MEST: variants seen among roughly 807,000 people sequenced by gnomAD.
The protein encoded by MEST is mesoderm-specific transcript homolog protein.
A neutral mutation model predicts 50.9 loss-of-function variants in MEST; 18 were observed. That is an observed-to-expected ratio of 0.35 (90% confidence interval 0.24 to 0.52). MEST has a LOEUF of 0.52. Ranked by LOEUF, MEST falls within the 20% of genes least tolerant of loss-of-function variation. The pLI is 0.94. For synonymous variants in MEST, 130 were observed against 154.1 expected (o/e 0.84, Z 1.16); for missense variants, 282 against 425.3 (o/e 0.66, Z 2.96).
chr7:130,496,377 A>G (rs1799061652), intron 2 of MEST: 1 of 333,018 alleles, frequency 3.0e-6, no homozygotes, highest in Non-Finnish European at 5.7e-6. Context: ...CAGATTCTCA[A>G]GAACAAAACT....
Position 130,495,449 on chromosome 7 carries a change from C to G in MEST, c.108C>G (p.Leu36=), listed in dbSNP as rs2116251809. The G allele has an allele frequency of 6.2e-7, 1 of 1,614,086 alleles. No homozygotes were observed. The highest frequency in any genetic ancestry group is 1.3e-5 in the African/African-American group (1 of 75,032). Residue 36 remains leucine, a synonymous_variant, in exon 2 of 12, where the codon CTC becomes CTG. Transcript: ENST00000223215. ...ACCTGCACATCCCACCCCCTCAGCTCTCCCCTGCCCTTCACTCATGGAAGT... is the reference window on the plus strand; with the variant it reads ...ACCTGCACATCCCACCCCCTCAGCTGTCCCCTGCCCTTCACTCATGGAAGT... The part of the protein sequence containing the change: ...AAYLHIPPPQ[L]SPALHSWKSS...
chr7:130,490,321 A>G (rs1469180257), upstream of MEST, among the ~76,000 whole-genome samples: 5 of 152,188 alleles, frequency 3.3e-5, no homozygotes, highest in Admixed American at 2.0e-4. Flanking sequence ...TGCCGGCTCA[A>G]AGGACTAACC....
At chr7:130,490,890 C>T (rs1019943140), upstream of MEST, 7 of 152,308 alleles carry the variant, frequency 4.6e-5, no homozygotes, top group Non-Finnish European at 7.3e-5. Flanking sequence ...CGGTAGTTTC[C>T]TCAGTGTCCG....
rs782080123 is a variant in MEST, at chr7:130,497,125, G to A, written c.182-31G>A. On this transcript the variant is annotated intron_variant, in intron 2 of 11. Coordinates refer to ENST00000223215, the MANE Select transcript of MEST (RefSeq NM_002402.4). The surrounding 1 kb of genome is among the most constrained non-coding windows in gnomAD (Gnocchi z 4.0). ...TCGAGGTTATTTTTATAGGGATTTGGCATAATTGATTGTACTTTCCTTCTT... is the reference window on the plus strand; with the variant it reads ...TCGAGGTTATTTTTATAGGGATTTGACATAATTGATTGTACTTTCCTTCTT... 1 of 1,566,578 alleles carries A rather than the reference G, an allele frequency of 6.4e-7. No homozygotes were observed. Among genetic ancestry groups the A allele is most frequent in the Non-Finnish European group, 8.8e-7 (1 of 1,142,068 alleles).
intron 10 of MEST, among the ~76,000 whole-genome samples, chr7:130,502,960 G>T (rs1384284420): frequency 2.0e-5 from 3 of 152,086 alleles, no homozygotes; most frequent in African/African-American, 7.2e-5. Flanking sequence ...AATTTTCTGG[G>T]TATCCTTTAT....
At position 130,498,402 on chromosome 7, in the gene MEST, C is replaced by G; in HGVS notation, c.477-17C>G. 1 of 1,614,040 alleles carries G rather than the reference C, an allele frequency of 6.2e-7. No individual in the cohort carries two copies. Among genetic ancestry groups the G allele is most frequent in the Non-Finnish European group, 8.5e-7 (1 of 1,180,006 alleles). Reference sequence around the variant, plus strand: ...AGTTTGCTCAGCTACATGTGTGTTTCCTCGTCTCCCTTCTAGGTACAAGCA... The same window carrying G: ...AGTTTGCTCAGCTACATGTGTGTTTGCTCGTCTCCCTTCTAGGTACAAGCA... On this transcript the variant is annotated splice_polypyrimidine_tract_variant and intron_variant, in intron 5 of 11. Transcript: ENST00000223215.
At chr7:130,499,720 G>T (rs996249417) in intron 6 of MEST, among the ~76,000 whole-genome samples, 155 bp from the exon 7 acceptor site, 3 of 152,106 alleles carry the variant, frequency 2.0e-5, no homozygotes, top group Non-Finnish European at 4.4e-5. Flanking sequence ...GGCTGGGTGA[G>T]GTGGCTTGCA....
Position 130,500,715 on chromosome 7 carries a change from C to G in MEST, c.648-74C>G. 7.4e-7 allele frequency: 1 copy of G among 1,344,028 alleles called. No homozygotes were observed. The highest frequency in any genetic ancestry group is 2.3e-5 in the East Asian group (1 of 42,734). 83.3% of individuals were successfully genotyped at this position (1,344,028 alleles called of 1,614,324 possible). ...GACTGCATGGCCCAGACTGCATGGC[C>G]TCTGAGGTTCCAGCCATATTGAACA... is the stretch of plus-strand genomic sequence containing the variant. On this transcript the variant is annotated intron_variant, in intron 8 of 11. Coordinates refer to ENST00000223215, the MANE Select transcript of MEST (RefSeq NM_002402.4). This position sits in a 1 kb window ranked among gnomAD's most constrained non-coding sequence, Gnocchi z 5.0.
rs116895025 is a variant in MEST, at chr7:130,502,894, T to C, written c.826+174T>C. Among the ~76,000 whole-genome samples, 14 of 152,332 alleles carry C rather than the reference T, an allele frequency of 9.2e-5. No individual in the cohort carries two copies. The East Asian group carries it at 2.7e-3, about 29-fold the overall frequency. On this transcript the variant is annotated intron_variant, in intron 10 of 11. Coordinates refer to ENST00000223215, the MANE Select transcript of MEST (RefSeq NM_002402.4). ...TTTTTTAGTATTTAAGTATATGTTG[T>C]ACAATATTTGGGACCTACTTACACC...
intron 2 of MEST, chr7:130,496,686 T>G (rs1437163370): frequency 6.1e-6 from 1 of 164,656 alleles, no homozygotes; most frequent in African/African-American, 2.4e-5. Flanking sequence ...GAATAAAAAG[T>G]GCTGAGCAAA....
chr7:130,499,321 A>C (rs1799189702), intron 6 of MEST, among the ~76,000 whole-genome samples: 2 of 152,072 alleles, frequency 1.3e-5, no homozygotes, highest in African/African-American at 4.8e-5. Flanking sequence ...TCTTCCACTG[A>C]CTCTGAAGAG....
In MEST at chr7:130,505,061, G is replaced by C; in HGVS notation, c.*5G>C. ...GGCTTCATCAACTCCTTCTGAGCTG[G>C]AAAGAGTAGCTTCCCTGTATTACCT... On this transcript the variant is annotated 3_prime_UTR_variant, in exon 12 of 12. Transcript: ENST00000223215. 6.3e-7 allele frequency: 1 copy of C among 1,598,092 alleles called. No individual in the cohort carries two copies. The highest frequency in any genetic ancestry group is 1.3e-5 in the African/African-American group (1 of 74,696).
rs146696030 is a variant in MEST, at chr7:130,504,966, G to T, written c.918G>T (p.Ser306=). 1 of 1,613,778 alleles carries T rather than the reference G, an allele frequency of 6.2e-7. No homozygotes were observed. Among genetic ancestry groups the T allele is most frequent in the Non-Finnish European group, 8.5e-7 (1 of 1,179,776 alleles). ...AAACGCTGCCGCGGTCCACAGTGTC[G>T]ATTCTGGATGACCACATTAGCCACT... The part of the protein sequence containing the change: ...YRKTLPRSTV[S]ILDDHISHYP... The change falls in exon 12 of 12, where the codon TCG becomes TCT. Residue 306 remains serine, a synonymous_variant. Coordinates refer to ENST00000223215, the MANE Select transcript of MEST (RefSeq NM_002402.4).
At chr7:130,493,001 T>G (rs1299079812) in intron 1 of MEST, among the ~76,000 whole-genome samples, 1 of 152,064 alleles carries the variant, frequency 6.6e-6, no homozygotes, top group Non-Finnish European at 1.5e-5. Flanking sequence ...GTGGCGCACC[T>G]TAGGATTTCA....
intron 2 of MEST, chr7:130,495,723 G>T: frequency 2.2e-6 from 1 of 462,662 alleles, no homozygotes; most frequent in South Asian, 4.7e-5. Flanking sequence ...CCAACCTGCA[G>T]ACCTTACCTT....
At position 130,497,085 on chromosome 7, in the gene MEST, T is replaced by TAA; in HGVS notation, c.182-70_182-69insAA. 8.0e-7 allele frequency: 1 copy of TAA among 1,248,564 alleles called. No homozygotes were observed. The highest frequency in any genetic ancestry group is 1.4e-5 in the South Asian group (1 of 72,874). The allele number at this position is 1,248,564 out of a possible 1,614,324, so 77.3% of individuals were successfully genotyped here. ...TGCTTGTTCTTTGTATCAGATTACT[T>TAA]AGATTTTAACATCTTCGAGGTTATT... On this transcript the variant is annotated intron_variant, in intron 2 of 11. Transcript: ENST00000223215. This position sits in a 1 kb window ranked among gnomAD's most constrained non-coding sequence, Gnocchi z 4.0.
rs1294525177 is a variant in MEST at position 130,492,906 on chromosome 7, C to G, written c.26+567C>G. Among the ~76,000 whole-genome samples the G allele has an allele frequency of 6.6e-6, 1 of 151,726 alleles. No individual in the cohort carries two copies. Among genetic ancestry groups the G allele is most frequent in the Non-Finnish European group, 1.5e-5 (1 of 67,946 alleles). ...TGGTGCGATGTAGGATTTTTAGAACCCCAGCATCGCTCTGGTGCGACTTAA... is the reference window on the plus strand; with the variant it reads ...TGGTGCGATGTAGGATTTTTAGAACGCCAGCATCGCTCTGGTGCGACTTAA... On this transcript the variant is annotated intron_variant, in intron 1 of 11. Transcript: ENST00000223215. The surrounding 1 kb of genome is among the most constrained non-coding windows in gnomAD (Gnocchi z 7.6).
chr7:130,494,240 C>T (rs1798950788), intron 1 of MEST, among the ~76,000 whole-genome samples: 1 of 152,150 alleles, frequency 6.6e-6, no homozygotes, highest in Admixed American at 6.5e-5. Context: ...AATGTGTGTA[C>T]AGACGGAAAG....
rs1364387092 is a variant in MEST, at chr7:130,500,692, C to A, written c.648-97C>A. On this transcript the variant is annotated intron_variant, in intron 8 of 11. Transcript: ENST00000223215. The surrounding 1 kb of genome is among the most constrained non-coding windows in gnomAD (Gnocchi z 5.0). ...ATTCATAAATCACTTATGGGTCAGACTGCATGGCCCAGACTGCATGGCCTC... is the reference window on the plus strand; with the variant it reads ...ATTCATAAATCACTTATGGGTCAGAATGCATGGCCCAGACTGCATGGCCTC... 6.6e-6 allele frequency: 8 copies of A among 1,210,598 alleles called. No homozygotes were observed. Among genetic ancestry groups the A allele is most frequent in the Non-Finnish European group, 9.4e-6 (8 of 850,090 alleles). 75.0% of individuals were successfully genotyped at this position (1,210,598 alleles called of 1,614,324 possible). A position where few individuals can be genotyped will look rare whatever the true frequency, so the allele number is the denominator to read the frequency against.
Sources: gnomAD v4.1 joint callset for allele counts (sites outside exome capture counted in the v4.1 genomes callset) on GRCh38, gnomAD v4.1.1 for gene constraint, Gnocchi (gnomAD v3.1) non-coding constraint, MANE v1.5 for transcripts, NCBI Gene and HGNC (gene_info 2026-07-23, HGNC 2026-07-21) for gene names.